MYO3B: variants seen among roughly 807,000 people sequenced by gnomAD.
MYO3B encodes the protein myosin IIIB, also known as myosin-IIIb.
Under a neutral mutation model 174.6 loss-of-function variants are expected in MYO3B, and 156 were observed. The observed-to-expected ratio is 0.89, with a 90% CI of 0.78 to 1.02. The LOEUF is 1.02. Among genes scored for constraint, MYO3B ranks in the 50% least tolerant of loss-of-function variants. The pLI is 0.00. For missense variants in MYO3B, 1,632 were observed against 1,639.4 expected, an observed-to-expected ratio of 1.00 and a Z score of 0.08; for synonymous variants, 563 against 569.1, an observed-to-expected ratio of 0.99 and a Z score of 0.15.
At chr2:170,632,367 C>T (rs2105389437) in intron 32 of MYO3B, among the ~76,000 whole-genome samples, 2 of 152,214 alleles carry the variant, frequency 1.3e-5, no homozygotes, top group African/African-American at 4.8e-5. Context: ...ACAACCTGCT[C>T]CTGAATGACT....
At chr2:170,236,168 A>C (rs745606589) in intron 7 of MYO3B, 32 bp downstream of exon 7, 13 of 1,606,004 alleles carry the variant, frequency 8.1e-6, no homozygotes, top group Non-Finnish European at 1.1e-5. Flanking sequence ...TTGACTCATT[A>C]GTTCTTTGTG....
At chr2:170,410,592 G>GAAAAAAAAAAAAAAAAAAAAAAAA (rs59296953) in intron 22 of MYO3B, among the ~76,000 whole-genome samples, 1 of 112,530 alleles carries the variant, frequency 8.9e-6, no homozygotes, top group Non-Finnish European at 1.8e-5. Flanking sequence ...CAAAAAAAAA[G>GAAAAAAAAAAAAAAAAAAAAAAAA]AAAAAAAAAA....
intron 22 of MYO3B, among the ~76,000 whole-genome samples, chr2:170,442,220 A>G (rs1376530675): frequency 6.6e-6 from 1 of 152,138 alleles, no homozygotes; most frequent in East Asian, 1.9e-4. Context: ...CAGTAGCTCT[A>G]ATATTTTGTA....
In MYO3B at chr2:170,257,131, T is replaced by G. The variant is rs147699891; in HGVS notation, c.749+20995T>G. On this transcript the variant is annotated intron_variant, in intron 7 of 34. Transcript: ENST00000408978. ...GTACTTCTAAATGTATGAAAAGACT[T>G]AGACACAATAATAGCGGGGGACTTC... Among the ~76,000 whole-genome samples, 432 of 152,234 alleles carry G rather than the reference T, an allele frequency of 2.8e-3. 1 individual carries two copies. Among genetic ancestry groups the G allele is most frequent in the African/African-American group, 9.7e-3 (404 of 41,556 alleles).
At chr2:170,424,641 A>T (rs1232084837) in intron 22 of MYO3B, among the ~76,000 whole-genome samples, 10 of 152,078 alleles carry the variant, frequency 6.6e-5, no homozygotes, top group African/African-American at 2.2e-4. Flanking sequence ...ACTAAAACAA[A>T]CTTTAATAAT....
At chr2:170,645,468 CAAAAAA>C (rs55720994) in intron 32 of MYO3B, among the ~76,000 whole-genome samples, 65 of 66,400 alleles carry the variant, frequency 9.8e-4, no homozygotes, top group African/African-American at 3.5e-3. Flanking sequence ...GGCTCCGTCT[CAAAAAA>C]AAAAAAAAAA....
chr2:170,443,506 T>C (rs1454111284), intron 22 of MYO3B, among the ~76,000 whole-genome samples: 1 of 152,154 alleles, frequency 6.6e-6, no homozygotes, highest in Admixed American at 6.5e-5. Flanking sequence ...TTAGATCCCA[T>C]TTGTCAATTT....
At chr2:170,624,742 C>T (rs1315709754) in intron 32 of MYO3B, among the ~76,000 whole-genome samples, 2 of 152,062 alleles carry the variant, frequency 1.3e-5, no homozygotes, top group African/African-American at 2.4e-5. Context: ...TACATCTCAT[C>T]AATACCTAAT....
chr2:170,641,923 TAAAAA>T (rs11349285), intron 32 of MYO3B, among the ~76,000 whole-genome samples: 1 of 138,210 alleles, frequency 7.2e-6, no homozygotes, highest in Non-Finnish European at 1.5e-5. Flanking sequence ...ATTTTTTAGT[TAAAAA>T]AAAAAGAATA....
intron 32 of MYO3B, among the ~76,000 whole-genome samples, chr2:170,608,739 T>G (rs373916291): frequency 1.3e-5 from 2 of 152,074 alleles, no homozygotes; most frequent in East Asian, 3.9e-4. Context: ...ACTTCCAGCC[T>G]CTCATGAAAT....
At chr2:170,591,387 T>C (rs1370332364) in intron 32 of MYO3B, among the ~76,000 whole-genome samples, 1 of 152,148 alleles carries the variant, frequency 6.6e-6, no homozygotes, top group Non-Finnish European at 1.5e-5. Context: ...CTACTTTCTC[T>C]GAGATCAAAA....
At chr2:170,192,177 C>T (rs1361821519) in intron 1 of MYO3B, among the ~76,000 whole-genome samples, 1 of 151,834 alleles carries the variant, frequency 6.6e-6, no homozygotes, top group East Asian at 1.9e-4. Flanking sequence ...CTTTGAAGGT[C>T]TGGAAGAATT....
intron 7 of MYO3B, among the ~76,000 whole-genome samples, chr2:170,321,198 T>C (rs563472403): frequency 6.6e-6 from 1 of 152,328 alleles, no homozygotes; most frequent in East Asian, 1.9e-4. Flanking sequence ...TGAATACCTA[T>C]ATTAATGATC....
At chr2:170,373,503 C>T (rs11690118) in intron 9 of MYO3B, among the ~76,000 whole-genome samples, 53,743 of 152,016 alleles carry the variant, frequency 0.35, 9,618 homozygotes, top group East Asian at 0.39. Context: ...AGGTAAGGAA[C>T]GTTCAGTCCA....
chr2:170,368,341 AT>A (rs2094213583), intron 8 of MYO3B, among the ~76,000 whole-genome samples: 1 of 152,202 alleles, frequency 6.6e-6, no homozygotes. Flanking sequence ...AGATGTTAAA[AT>A]TTCTTCCTCT....
intron 7 of MYO3B, among the ~76,000 whole-genome samples, chr2:170,243,432 G>T (rs2093157376): frequency 1.3e-5 from 2 of 152,154 alleles, no homozygotes; most frequent in South Asian, 4.1e-4. Flanking sequence ...GACCAGTTTT[G>T]CTCTCAAGTT....
At chr2:170,189,947 G>A (rs1431298003) in intron 1 of MYO3B, among the ~76,000 whole-genome samples, 1 of 152,152 alleles carries the variant, frequency 6.6e-6, no homozygotes, top group East Asian at 1.9e-4. Context: ...GTTCTTCACA[G>A]TCTGGGCTTG....
intron 32 of MYO3B, among the ~76,000 whole-genome samples, chr2:170,584,335 A>AGAT (rs1693361257): frequency 6.6e-6 from 1 of 152,202 alleles, no homozygotes; most frequent in African/African-American, 2.4e-5. Flanking sequence ...AGAGTAAAAC[A>AGAT]GGGTCTGTAC....
intron 7 of MYO3B, among the ~76,000 whole-genome samples, chr2:170,313,871 C>G (rs532486591): frequency 3.3e-5 from 5 of 152,300 alleles, no homozygotes; most frequent in Non-Finnish European, 7.4e-5. Context: ...CACAGACACA[C>G]ACACACAGCT....
Sources: allele counts gnomAD v4.1 joint callset (sites outside exome capture counted in the v4.1 genomes callset), GRCh38; gene constraint gnomAD v4.1.1; transcripts MANE v1.5; gene names NCBI Gene and HGNC (gene_info 2026-07-23, HGNC 2026-07-21).